The following MRPS27 variants were observed in gnomAD, a reference collection of about 807,000 sequenced individuals.
The protein encoded by MRPS27 is small ribosomal subunit protein mS27.
A neutral mutation model predicts 48.9 loss-of-function variants in MRPS27; 43 were observed. The observed-to-expected ratio is 0.88, with a 90% CI of 0.69 to 1.13. MRPS27 has a LOEUF of 1.13. MRPS27 is among the 50% of genes most tolerant of loss of function. The pLI is 0.00. For synonymous variants in MRPS27, 188 were observed against 171.9 expected (o/e 1.09, Z -0.73); for missense variants, 467 against 476.3 (o/e 0.98, Z 0.18).
intron 4 of MRPS27, among the ~76,000 whole-genome samples, chr5:72,284,168 T>C (rs540176145): frequency 7.7e-4 from 117 of 151,892 alleles, no homozygotes; most frequent in Non-Finnish European, 1.5e-3. Flanking sequence ...ATCCCAGCAC[T>C]TTGGGAGGCC....
chr5:72,267,879 G>A (rs1348237736), intron 4 of MRPS27, among the ~76,000 whole-genome samples: 1 of 151,892 alleles, frequency 6.6e-6, no homozygotes. Context: ...CCAAATAAAT[G>A]TTCAGGGAAC....
chr5:72,232,393 T>C (rs771477750), intron 7 of MRPS27, 50 bp downstream of exon 7: 2 of 1,393,962 alleles, frequency 1.4e-6, no homozygotes, highest in Non-Finnish European at 1.0e-6. Flanking sequence ...AGCAAGCCCC[T>C]GCTTGCCTTT....
chr5:72,253,563 A>T (rs1013296515), intron 4 of MRPS27, among the ~76,000 whole-genome samples: 1 of 152,240 alleles, frequency 6.6e-6, no homozygotes, highest in Non-Finnish European at 1.5e-5. Flanking sequence ...GATCTTTAAC[A>T]ACCCTTTCAC....
At chr5:72,226,540 G>A (rs1747904543) in intron 8 of MRPS27, among the ~76,000 whole-genome samples, 1 of 152,046 alleles carries the variant, frequency 6.6e-6, no homozygotes. Flanking sequence ...TAAAAAACAA[G>A]TCAACTGAGA....
intron 4 of MRPS27, among the ~76,000 whole-genome samples, chr5:72,283,029 T>C (rs1749571081): frequency 6.6e-6 from 1 of 152,170 alleles, no homozygotes. Context: ...CATCTGGTGA[T>C]AAAATCTTAT....
intron 4 of MRPS27, among the ~76,000 whole-genome samples, chr5:72,276,863 C>T (rs962116143): frequency 6.6e-6 from 1 of 152,006 alleles, no homozygotes; most frequent in African/African-American, 2.4e-5. Context: ...AACCCCATCT[C>T]TACTAAAAAT....
chr5:72,271,030 T>C (rs1171911306), intron 4 of MRPS27, among the ~76,000 whole-genome samples: 2 of 152,122 alleles, frequency 1.3e-5, no homozygotes, highest in African/African-American at 4.8e-5. Context: ...ACAGCTAACA[T>C]CGTTAATGGT....
At position 72,298,082 on chromosome 5, in the gene MRPS27, G is replaced by T. The variant is rs982033731; in HGVS notation, c.152-380C>A. On this transcript the variant is annotated intron_variant, in intron 2 of 10. Coordinates refer to ENST00000261413, the MANE Select transcript of MRPS27 (RefSeq NM_015084.3). Reference sequence around the variant, plus strand: ...TAATTAAACTAAAAACCATCAACAGGGTAAACAGACAATCTACAGAATGGG... The same window carrying T: ...TAATTAAACTAAAAACCATCAACAGTGTAAACAGACAATCTACAGAATGGG... Among the ~76,000 whole-genome samples the T allele has an allele frequency of 2.0e-4, 31 of 151,990 alleles. No homozygotes were observed. The East Asian group carries it at 6.0e-3, about 29-fold the overall frequency.
intron 4 of MRPS27, among the ~76,000 whole-genome samples, chr5:72,249,071 C>T (rs911785061): frequency 6.6e-6 from 1 of 152,174 alleles, no homozygotes; most frequent in African/African-American, 2.4e-5. Context: ...ATGGCTGCTA[C>T]AATGAATGCA....
At chr5:72,260,091 A>G (rs543630379) in intron 4 of MRPS27, among the ~76,000 whole-genome samples, 1 of 152,314 alleles carries the variant, frequency 6.6e-6, no homozygotes, top group Non-Finnish European at 1.5e-5. Flanking sequence ...TAAACAACCA[A>G]TGCTATAATT....
In MRPS27 at chr5:72,219,541, T is replaced by C. The variant is rs915475909; in HGVS notation, c.*1368A>G. 1 of 152,228 alleles carries C rather than the reference T, an allele frequency of 6.6e-6. No individual in the cohort carries two copies. Among genetic ancestry groups the C allele is most frequent in the Admixed American group, 6.5e-5 (1 of 15,288 alleles). 9.4% of individuals were successfully genotyped at this position (152,228 alleles called of 1,614,324 possible). On this transcript the variant is annotated 3_prime_UTR_variant, in exon 11 of 11. Transcript: ENST00000261413. The stretch of plus-strand genomic sequence containing the variant: ...AGTACACTAACATGATCCCGGAACA[T>C]TTATTTCCAGAGGCTTTTGATAGAA...
intron 1 of MRPS27, among the ~76,000 whole-genome samples, chr5:72,319,810 G>A (rs1457113921): frequency 6.6e-6 from 1 of 152,150 alleles, no homozygotes; most frequent in African/African-American, 2.4e-5. Context: ...AAAGTGCTGG[G>A]ACCACAGGCG....
chr5:72,225,545 G>A (rs764020206), intron 9 of MRPS27, among the ~76,000 whole-genome samples: 5 of 152,122 alleles, frequency 3.3e-5, no homozygotes, highest in South Asian at 2.1e-4. Flanking sequence ...TAGTGTTCTC[G>A]TCCTGGTAAA....
intron 4 of MRPS27, among the ~76,000 whole-genome samples, chr5:72,282,803 A>C (rs191170916): frequency 4.6e-5 from 7 of 152,350 alleles, no homozygotes; most frequent in Admixed American, 3.9e-4. Flanking sequence ...AAATTTACTA[A>C]ATATATTCAC....
chr5:72,264,764 C>A (rs1749067731), intron 4 of MRPS27, among the ~76,000 whole-genome samples: 1 of 152,184 alleles, frequency 6.6e-6, no homozygotes, highest in South Asian at 2.1e-4. Context: ...TCCTGTACAG[C>A]CTTCAGGGAA....
chr5:72,256,338 T>C (rs1040265992), intron 4 of MRPS27, among the ~76,000 whole-genome samples: 3 of 152,168 alleles, frequency 2.0e-5, no homozygotes, highest in Admixed American at 2.0e-4. Flanking sequence ...TTTAAATACT[T>C]ATATGTATTA....
At chr5:72,252,422 G>A (rs1473641775) in intron 4 of MRPS27, among the ~76,000 whole-genome samples, 6 of 152,134 alleles carry the variant, frequency 3.9e-5, no homozygotes, top group Non-Finnish European at 7.4e-5. Context: ...ATCTTTAACT[G>A]TGACTGAAAA....
chr5:72,234,065 TC>T (rs1331558309), intron 6 of MRPS27, 53 bp downstream of exon 6: 11 of 1,420,346 alleles, frequency 7.7e-6, no homozygotes, highest in African/African-American at 1.5e-5. Flanking sequence ...TTTGTACACC[TC>T]CCTTTGGGAG....
rs1369240276 is a variant in MRPS27 at position 72,223,870 on chromosome 5, T to C, written c.838-20A>G. 2 of 1,608,264 alleles carry C rather than the reference T, an allele frequency of 1.2e-6. No individual in the cohort carries two copies. The highest frequency in any genetic ancestry group is 1.7e-6 in the Non-Finnish European group (2 of 1,176,214). On this transcript the variant is annotated intron_variant, in intron 9 of 10. Coordinates refer to ENST00000261413, the MANE Select transcript of MRPS27 (RefSeq NM_015084.3). ...ATCGAGCTGTGGAGCAGAAAGAGGG[T>C]CAGCAACCAAATGTTTTATGGCCCA...
Sources: allele counts gnomAD v4.1 joint callset (sites outside exome capture counted in the v4.1 genomes callset), GRCh38; gene constraint gnomAD v4.1.1; transcripts MANE v1.5; gene names NCBI Gene and HGNC (gene_info 2026-07-23, HGNC 2026-07-21).